RALGPS1: variants seen among roughly 807,000 people sequenced by gnomAD.
RALGPS1 encodes Ral GEF with PH domain and SH3 binding motif 1, also known as ras-specific guanine nucleotide-releasing factor RalGPS1.
In RALGPS1, 19 loss-of-function variants were observed where a neutral mutation model predicts 78.8. The observed-to-expected ratio is 0.24, with a 90% CI of 0.17 to 0.35. RALGPS1 has a LOEUF of 0.35. RALGPS1 is among the 10% of genes least tolerant of loss of function. RALGPS1 has a pLI of 1.00. For synonymous variants in RALGPS1, 228 were observed against 256.3 expected (o/e 0.89, Z 1.06); for missense variants, 454 against 688.3 (o/e 0.66, Z 3.81).
intron 8 of RALGPS1, among the ~76,000 whole-genome samples, chr9:127,118,340 G>T (rs771418229): frequency 6.6e-6 from 1 of 152,212 alleles, no homozygotes; most frequent in Non-Finnish European, 1.5e-5. Context: ...CCCAGAATGA[G>T]GCTTCTGACG....
chr9:127,150,297 G>A (rs1109041), intron 8 of RALGPS1, among the ~76,000 whole-genome samples: 2 of 152,226 alleles, frequency 1.3e-5, no homozygotes, highest in African/African-American at 4.8e-5. Flanking sequence ...CAGTGCCCCT[G>A]TTTGTGGGCT....
At chr9:127,197,206 TAAG>T (rs1213505653) in intron 13 of RALGPS1, among the ~76,000 whole-genome samples, 7 of 152,208 alleles carry the variant, frequency 4.6e-5, no homozygotes, top group Non-Finnish European at 1.0e-4. Context: ...GAGGCTGGGA[TAAG>T]AAGAACTTGA....
intron 4 of RALGPS1, among the ~76,000 whole-genome samples, chr9:127,005,643 A>T (rs2043766702): frequency 6.6e-6 from 1 of 152,176 alleles, no homozygotes; most frequent in Non-Finnish European, 1.5e-5. Flanking sequence ...TCTCCAAAGG[A>T]TAAGCCTTGA....
intron 4 of RALGPS1, among the ~76,000 whole-genome samples, chr9:127,022,879 TATG>T (rs1433464072): frequency 6.6e-6 from 1 of 152,216 alleles, no homozygotes; most frequent in Non-Finnish European, 1.5e-5. Flanking sequence ...TCTGACTTAT[TATG>T]ATTTCTTTAG....
chr9:127,132,473 G>A (rs1023586612), intron 8 of RALGPS1, among the ~76,000 whole-genome samples: 1 of 152,206 alleles, frequency 6.6e-6, no homozygotes, highest in African/African-American at 2.4e-5. Context: ...TCATTGACAC[G>A]ATGGTGTGAT....
chr9:127,151,690 G>T (rs2058432253), intron 8 of RALGPS1, among the ~76,000 whole-genome samples: 1 of 152,106 alleles, frequency 6.6e-6, no homozygotes, highest in East Asian at 1.9e-4. Context: ...TAATTCAAGT[G>T]TTTAGCCAGA....
intron 11 of RALGPS1, chr9:127,178,606 C>A: frequency 1.9e-6 from 1 of 534,854 alleles, no homozygotes; most frequent in Non-Finnish European, 2.4e-6. Context: ...CACTATCACC[C>A]CCACCCCCAA....
intron 8 of RALGPS1, among the ~76,000 whole-genome samples, chr9:127,102,399 C>T (rs957726008): frequency 6.6e-6 from 1 of 152,062 alleles, no homozygotes; most frequent in African/African-American, 2.4e-5. Flanking sequence ...TACAAGTTCA[C>T]CACAACAATC....
rs960157578 is a variant in RALGPS1, at chr9:126,990,159, C to G, written c.216+12414C>G. 9 of 811,294 alleles carry G rather than the reference C, an allele frequency of 1.1e-5. No individual in the cohort carries two copies. The Admixed American group carries it at 2.0e-4, about 18-fold the overall frequency. The allele number at this position is 811,294 out of a possible 1,614,324, so 50.3% of individuals were successfully genotyped here. On this transcript the variant is annotated intron_variant, in intron 4 of 18. Transcript: ENST00000259351. The stretch of plus-strand genomic sequence containing the variant: ...CTCGGAGAGGGAAGAATGTGGCCAG[C>G]AGGCAGTCATTTGTAAAGTGGAGAT...
intron 2 of RALGPS1, among the ~76,000 whole-genome samples, chr9:126,965,022 G>A (rs988331336): frequency 6.6e-6 from 1 of 152,204 alleles, no homozygotes; most frequent in African/African-American, 2.4e-5. Flanking sequence ...GATTGAGCTT[G>A]ATGAAGTTAA....
Position 126,992,420 on chromosome 9 carries a change from C to T in RALGPS1, c.216+14675C>T, listed in dbSNP as rs115376239. ...GCAATCCTTTCCTCCTCTTCCACTCCTTCCACTGTTCTTGAAATTAGGTAG... is the reference window on the plus strand; with the variant it reads ...GCAATCCTTTCCTCCTCTTCCACTCTTTCCACTGTTCTTGAAATTAGGTAG... On this transcript the variant is annotated intron_variant, in intron 4 of 18. Coordinates refer to ENST00000259351, the MANE Select transcript of RALGPS1 (RefSeq NM_014636.3). Among the ~76,000 whole-genome samples the T allele has an allele frequency of 8.1e-3, 1,228 of 151,620 alleles. 24 individuals carry two copies. Among genetic ancestry groups the T allele is most frequent in the African/African-American group, 0.028 (1,161 of 40,904 alleles).
chr9:127,005,268 T>C (rs2043728406), intron 4 of RALGPS1, among the ~76,000 whole-genome samples: 1 of 152,248 alleles, frequency 6.6e-6, no homozygotes, highest in African/African-American at 2.4e-5. Flanking sequence ...CCAAGAAGAA[T>C]TGTTATACTG....
intron 8 of RALGPS1, chr9:127,093,856 C>T (rs757614714): frequency 3.5e-5 from 57 of 1,614,002 alleles, no homozygotes; most frequent in South Asian, 2.3e-4. Context: ...TGGTGTTCTC[C>T]GGCTTCACCA....
chr9:127,087,023 T>A (rs2051833943), intron 8 of RALGPS1, among the ~76,000 whole-genome samples: 1 of 152,062 alleles, frequency 6.6e-6, no homozygotes, highest in Non-Finnish European at 1.5e-5. Flanking sequence ...TGCCATTTGG[T>A]GAAAAGGGAC....
At chr9:126,973,851 T>C (rs1564341263) in intron 3 of RALGPS1, among the ~76,000 whole-genome samples, 2 of 152,214 alleles carry the variant, frequency 1.3e-5, no homozygotes, top group African/African-American at 2.4e-5. Context: ...ATATAGTATT[T>C]GTCTTTGTGA....
At chr9:127,046,989 T>TA (rs34433419) in intron 5 of RALGPS1, among the ~76,000 whole-genome samples, 13,183 of 147,450 alleles carry the variant, frequency 0.089, 934 homozygotes, top group African/African-American at 0.2. Context: ...TCGAATTAGT[T>TA]AAAAAAAAAA....
At chr9:127,119,018 A>G (rs185724456) in intron 8 of RALGPS1, among the ~76,000 whole-genome samples, 17 of 152,308 alleles carry the variant, frequency 1.1e-4, no homozygotes, top group Non-Finnish European at 2.9e-5. Context: ...CATCAATAGT[A>G]TCTTAGTCAC....
At chr9:127,021,617 T>G (rs1220372317) in intron 4 of RALGPS1, among the ~76,000 whole-genome samples, 1 of 146,474 alleles carries the variant, frequency 6.8e-6, no homozygotes, top group South Asian at 2.2e-4. Flanking sequence ...GAAAAGTTTT[T>G]CTTCTTCTTC....
At chr9:127,092,762 G>A (rs2052633567) in intron 8 of RALGPS1, among the ~76,000 whole-genome samples, 1 of 152,104 alleles carries the variant, frequency 6.6e-6, no homozygotes, top group Admixed American at 6.5e-5. Flanking sequence ...TTGCCTCTAA[G>A]AAAGGAGGAG....
Sources: allele counts gnomAD v4.1 joint callset (sites outside exome capture counted in the v4.1 genomes callset), GRCh38; gene constraint gnomAD v4.1.1; transcripts MANE v1.5; gene names NCBI Gene and HGNC (gene_info 2026-07-23, HGNC 2026-07-21).